The following SLX9 variants were observed in gnomAD, a reference collection of about 807,000 sequenced individuals.
SLX9 encodes ribosome biogenesis protein SLX9 homolog.
A neutral mutation model predicts 20.8 loss-of-function variants in SLX9; 19 were observed. The observed-to-expected ratio is 0.91, with a 90% CI of 0.64 to 1.34. The LOEUF is 1.34. Ranked by LOEUF, SLX9 falls within the 40% of genes most tolerant of loss-of-function variation. The pLI is 0.00. For synonymous variants in SLX9, 113 were observed against 137.1 expected, an observed-to-expected ratio of 0.82 and a Z score of 1.23; for missense variants, 299 against 322.2, an observed-to-expected ratio of 0.93 and a Z score of 0.55.
chr21:44,950,011 T>TC (rs1456075145), intron 2 of SLX9, among the ~76,000 whole-genome samples: 1 of 152,078 alleles, frequency 6.6e-6, no homozygotes, highest in Non-Finnish European at 1.5e-5. Flanking sequence ...ACGCAGGCTC[T>TC]CCCTCCTGCC....
intron 3 of SLX9, 53 bp downstream of exon 3, chr21:44,960,221 G>A: frequency 6.5e-7 from 1 of 1,542,228 alleles, no homozygotes; most frequent in Non-Finnish European, 9.0e-7. Flanking sequence ...CCCATCCCGT[G>A]GGCCCTCCTA....
At chr21:44,970,409 T>G (rs1220479625) in intron 4 of SLX9, among the ~76,000 whole-genome samples, 1 of 152,176 alleles carries the variant, frequency 6.6e-6, no homozygotes, top group African/African-American at 2.4e-5. Context: ...GGGGGTCGTA[T>G]TTTTAGCTCT....
chr21:44,964,741 C>A (rs534034677), intron 3 of SLX9, among the ~76,000 whole-genome samples: 3 of 152,190 alleles, frequency 2.0e-5, no homozygotes, highest in African/African-American at 7.2e-5. Flanking sequence ...CTCGAACACT[C>A]GATATTATGA....
chr21:44,948,736 C>G (rs938956349), intron 2 of SLX9, among the ~76,000 whole-genome samples: 3 of 152,210 alleles, frequency 2.0e-5, no homozygotes, highest in Non-Finnish European at 2.9e-5. Flanking sequence ...GCTTTTCTGG[C>G]CAGATACCTG....
At chr21:44,943,894 C>T in intron 2 of SLX9, 57 bp downstream of exon 2, 4 of 1,607,896 alleles carry the variant, frequency 2.5e-6, no homozygotes, top group Non-Finnish European at 3.4e-6. Context: ...GGATTGTTCC[C>T]TCAGGCACCC....
Position 44,976,871 on chromosome 21 carries a change from A to G in SLX9, c.*68A>G. 2.0e-6 allele frequency: 3 copies of G among 1,530,320 alleles called. No homozygotes were observed. The highest frequency in any genetic ancestry group is 2.6e-6 in the Non-Finnish European group (3 of 1,144,192). 94.8% of individuals were successfully genotyped at this position (1,530,320 alleles called of 1,614,324 possible). ...GCCAAGTAGAGAGCGCCGGCCCCTC[A>G]AGGACCATGGCCTGAGCCTGGTGGA... On this transcript the variant is annotated 3_prime_UTR_variant, in exon 6 of 6. Transcript: ENST00000291634.
At position 44,967,188 on chromosome 21, in the gene SLX9, G is replaced by A. The variant is rs1279855875; in HGVS notation, c.500+7G>A. The A allele has an allele frequency of 6.4e-7, 1 of 1,565,582 alleles. No individual in the cohort carries two copies. On this transcript the variant is annotated splice_region_variant and intron_variant, in intron 4 of 5. Transcript: ENST00000291634. ...GCCGGCGCCAAGCCCGCAGGTGAGTGTCCGGGAGGGGTGGCCCTTTCCGAG... is the reference window on the plus strand; with the variant it reads ...GCCGGCGCCAAGCCCGCAGGTGAGTATCCGGGAGGGGTGGCCCTTTCCGAG...
At chr21:44,945,628 G>A (rs577426049) in intron 2 of SLX9, among the ~76,000 whole-genome samples, 2 of 152,366 alleles carry the variant, frequency 1.3e-5, no homozygotes, top group East Asian at 1.9e-4. Context: ...GCCTCGCAGC[G>A]TTCTTGGGCT....
chr21:44,964,064 A>G (rs1426585718), intron 3 of SLX9, among the ~76,000 whole-genome samples: 1 of 152,202 alleles, frequency 6.6e-6, no homozygotes, highest in Non-Finnish European at 1.5e-5. Flanking sequence ...CTCACCATTT[A>G]AATTTCATCA....
intron 2 of SLX9, among the ~76,000 whole-genome samples, chr21:44,952,270 T>C (rs987904838): frequency 2.2e-4 from 34 of 152,378 alleles, no homozygotes; most frequent in Admixed American, 2.0e-3. Context: ...GGGCTTGCGC[T>C]GCTCGCCCCC....
At chr21:44,951,608 A>G (rs984689367) in intron 2 of SLX9, among the ~76,000 whole-genome samples, 1 of 152,178 alleles carries the variant, frequency 6.6e-6, no homozygotes, top group Non-Finnish European at 1.5e-5. Context: ...GCGCGTATGC[A>G]CACATTGCAG....
At chr21:44,961,124 A>G (rs2084943215) in intron 3 of SLX9, among the ~76,000 whole-genome samples, 1 of 152,186 alleles carries the variant, frequency 6.6e-6, no homozygotes, top group African/African-American at 2.4e-5. Context: ...AGTTCCTAGC[A>G]TAGCTGTGAA....
At chr21:44,954,846 A>C (rs891249119) in intron 2 of SLX9, among the ~76,000 whole-genome samples, 2 of 152,200 alleles carry the variant, frequency 1.3e-5, no homozygotes, top group African/African-American at 4.8e-5. Flanking sequence ...TGACCAGGAC[A>C]ATTTGTTACC....
Position 44,968,813 on chromosome 21 carries a change from G to A in SLX9, c.500+1632G>A, listed in dbSNP as rs577341016. ...CTGTCCCCCAGGCTGGAGTGCAGTGGCACGATCTTGGCTCACTGCAAGCTC... is the reference window on the plus strand; with the variant it reads ...CTGTCCCCCAGGCTGGAGTGCAGTGACACGATCTTGGCTCACTGCAAGCTC... On this transcript the variant is annotated intron_variant, in intron 4 of 5. Coordinates refer to ENST00000291634, the MANE Select transcript of SLX9 (RefSeq NM_058190.4). Among the ~76,000 whole-genome samples the A allele has an allele frequency of 2.5e-3, 373 of 151,266 alleles. 1 individual carries two copies. The highest frequency in any genetic ancestry group is 0.016 in the South Asian group (78 of 4,784).
intron 5 of SLX9, among the ~76,000 whole-genome samples, chr21:44,973,981 AC>A (rs1211643872): frequency 6.6e-6 from 1 of 152,074 alleles, no homozygotes; most frequent in Non-Finnish European, 1.5e-5. Context: ...TCTGGATGAT[AC>A]GTTTGGTTCT....
At chr21:44,945,037 G>T (rs148842624) in intron 2 of SLX9, among the ~76,000 whole-genome samples, 3,018 of 152,348 alleles carry the variant, frequency 0.02, 37 homozygotes, top group Non-Finnish European at 0.029. Context: ...CTGGGGACGA[G>T]TGGGTTTTGC....
At chr21:44,943,955 A>C in intron 2 of SLX9, 118 bp downstream of exon 2, 1 of 1,392,836 alleles carries the variant, frequency 7.2e-7, no homozygotes, top group Non-Finnish European at 9.9e-7. Flanking sequence ...GTCCTTGAGC[A>C]AGGGATGCCC....
chr21:44,940,097 G>T lies in SLX9; in HGVS notation c.40G>T (p.Ala14Ser). The T allele has an allele frequency of 6.9e-7, 1 of 1,439,940 alleles. No homozygotes were observed. Among genetic ancestry groups the T allele is most frequent in the South Asian group, 1.5e-5 (1 of 68,706 alleles). 89.2% of individuals were successfully genotyped at this position (1,439,940 alleles called of 1,614,324 possible). Residue 14 changes from alanine (A) to serine (S), a missense_variant, in exon 1 of 6, where the codon GCT becomes TCT. Ala to Ser is a moderately conservative substitution (Grantham distance 99). Transcript: ENST00000291634. ...GGGGTTGCGCGCCCGAGTGCACCAG[G>T]CTGCCGTGAGGCCGAAAGGGGAGGC... The part of the protein sequence containing the change: ...VRGLRARVHQ[A>S]AVRPKGEAAP...
chr21:44,946,287 T>A (rs2084640211), intron 2 of SLX9, among the ~76,000 whole-genome samples: 1 of 150,306 alleles, frequency 6.7e-6, no homozygotes, highest in Admixed American at 6.6e-5. Flanking sequence ...CATAAAAATC[T>A]TAAAGCTTGT....
Sources: gnomAD v4.1 joint callset for allele counts (sites outside exome capture counted in the v4.1 genomes callset) on GRCh38, gnomAD v4.1.1 for gene constraint, MANE v1.5 for transcripts, NCBI Gene and HGNC (gene_info 2026-07-23, HGNC 2026-07-21) for gene names.